PTPRG: variants seen among roughly 807,000 people sequenced by gnomAD.
The protein encoded by PTPRG is protein tyrosine phosphatase receptor type G.
In PTPRG, 102 loss-of-function variants were observed where a neutral mutation model predicts 165.3. The observed-to-expected ratio is 0.62, with a 90% CI of 0.53 to 0.73. The LOEUF (loss-of-function observed/expected upper bound fraction) is 0.73, where lower values mean the gene tolerates loss of function less well. Ranked by LOEUF, PTPRG falls within the 30% of genes least tolerant of loss-of-function variation. PTPRG has a pLI of 0.00. For synonymous variants in PTPRG, 675 were observed against 669.5 expected (o/e 1.01, Z -0.13); for missense variants, 1,866 against 1,861.4 (o/e 1.00, Z -0.05).
At chr3:62,021,173 T>C (rs1239235929) in intron 4 of PTPRG, among the ~76,000 whole-genome samples, 1 of 152,234 alleles carries the variant, frequency 6.6e-6, no homozygotes, top group East Asian at 1.9e-4. Context: ...TAGAAACGTA[T>C]AGTTTAGTGT....
At chr3:61,745,446 C>G (rs1488497882) in intron 1 of PTPRG, among the ~76,000 whole-genome samples, 2 of 152,134 alleles carry the variant, frequency 1.3e-5, no homozygotes, top group Non-Finnish European at 1.5e-5. Flanking sequence ...GCCCTATTTC[C>G]AGGGAGCTTA....
At chr3:61,851,491 A>G (rs1389411968) in intron 2 of PTPRG, among the ~76,000 whole-genome samples, 1 of 152,176 alleles carries the variant, frequency 6.6e-6, no homozygotes, top group Non-Finnish European at 1.5e-5. Flanking sequence ...AAACTGACCA[A>G]TATATCTCAT....
At chr3:62,075,065 G>T (rs1701339192) in intron 4 of PTPRG, among the ~76,000 whole-genome samples, 1 of 152,210 alleles carries the variant, frequency 6.6e-6, no homozygotes, top group Non-Finnish European at 1.5e-5. Flanking sequence ...TTTCAGACCT[G>T]TGCTACTGTC....
intron 4 of PTPRG, among the ~76,000 whole-genome samples, chr3:62,037,198 G>C (rs891620406): frequency 1.3e-5 from 2 of 152,176 alleles, no homozygotes; most frequent in East Asian, 1.9e-4. Context: ...TTCAGTGATA[G>C]GGTTAGGGTG....
chr3:61,810,476 TG>T lies in PTPRG; in HGVS notation c.190+61495del, dbSNP rs113029349. 9.4e-3 allele frequency among the ~76,000 whole-genome samples: 1,433 copies of T among 152,318 alleles called. 18 individuals are homozygous for T. The highest frequency in any genetic ancestry group is 0.033 in the African/African-American group (1,382 of 41,560). ...AGGAATGATTTCTTTTTAGGTGCCCTGTATAAGCAACGACAGTGCGAAGGGA... is the reference window on the plus strand; with the variant it reads ...AGGAATGATTTCTTTTTAGGTGCCCTTATAAGCAACGACAGTGCGAAGGGA... On this transcript the variant is annotated intron_variant, in intron 2 of 29. Transcript: ENST00000474889.
chr3:61,621,033 G>GTGTGTGTATATATATATA (rs767786792), intron 1 of PTPRG, among the ~76,000 whole-genome samples: 1 of 129,992 alleles, frequency 7.7e-6, no homozygotes, highest in African/African-American at 2.8e-5. Context: ...GTGTGTGTGT[G>GTGTGTGTATATATATATA]TATATATATA....
intron 5 of PTPRG, among the ~76,000 whole-genome samples, chr3:62,113,802 T>C (rs1702757276): frequency 6.6e-6 from 1 of 152,168 alleles, no homozygotes; most frequent in Non-Finnish European, 1.5e-5. Flanking sequence ...GTCTTGATAT[T>C]AGAAGATACA....
At chr3:61,920,673 C>T (rs771280633) in intron 2 of PTPRG, among the ~76,000 whole-genome samples, 5 of 152,164 alleles carry the variant, frequency 3.3e-5, no homozygotes, top group Admixed American at 1.3e-4. Context: ...GGATTACAGG[C>T]GTGAGCCACT....
chr3:61,679,797 G>A (rs3821881), intron 1 of PTPRG, among the ~76,000 whole-genome samples: 116,698 of 151,914 alleles, frequency 0.77, 45,194 homozygotes, highest in East Asian at 0.91. Context: ...CAAAAAAACA[G>A]AAAAGCAAAA....
chr3:62,071,342 T>A (rs866793566), intron 4 of PTPRG, among the ~76,000 whole-genome samples: 3 of 152,208 alleles, frequency 2.0e-5, no homozygotes, highest in African/African-American at 7.2e-5. Context: ...TACTCTCATG[T>A]TGGGATCATT....
rs545923832 is a variant in PTPRG, at chr3:62,210,176, G to A, written c.2155+6226G>A. Among the ~76,000 whole-genome samples, 5 of 152,272 alleles carry A rather than the reference G, an allele frequency of 3.3e-5. No homozygotes were observed. The highest frequency in any genetic ancestry group is 9.6e-5 in the African/African-American group (4 of 41,556). ...GAGCACTTATTCACAGGAACTCTTG[G>A]CAGTGATATAAATGGAAACGAATGA... On this transcript the variant is annotated intron_variant, in intron 12 of 29. Coordinates refer to ENST00000474889, the MANE Select transcript of PTPRG (RefSeq NM_002841.4). The surrounding 1 kb of genome is among the most constrained non-coding windows in gnomAD (Gnocchi z 4.1).
intron 2 of PTPRG, among the ~76,000 whole-genome samples, chr3:61,964,464 G>A (rs199607994): frequency 1.3e-5 from 2 of 152,122 alleles, no homozygotes; most frequent in Non-Finnish European, 2.9e-5. Context: ...ATGGGGTTAT[G>A]AGTTAATGAC....
chr3:61,922,523 A>G (rs1369354205), intron 2 of PTPRG, among the ~76,000 whole-genome samples: 1 of 152,212 alleles, frequency 6.6e-6, no homozygotes, highest in Non-Finnish European at 1.5e-5. Flanking sequence ...TTATTGCTGC[A>G]GGACCTAAGG....
In PTPRG at chr3:62,285,664, C is replaced by A. The variant is rs539933959; in HGVS notation, c.4055+2795C>A. The stretch of plus-strand genomic sequence containing the variant: ...TAAAGACAAACTGCTTCATTCTCAG[C>A]ATTCTATTGTCAACTGTTCAAGATT... On this transcript the variant is annotated intron_variant, in intron 28 of 29. Coordinates refer to ENST00000474889, the MANE Select transcript of PTPRG (RefSeq NM_002841.4). Among the ~76,000 whole-genome samples the A allele has an allele frequency of 7.2e-5, 11 of 152,230 alleles. No individual in the cohort carries two copies. The South Asian group carries it at 2.3e-3, about 32-fold the overall frequency.
At chr3:61,978,049 G>A (rs904912777) in intron 2 of PTPRG, among the ~76,000 whole-genome samples, 10 of 152,090 alleles carry the variant, frequency 6.6e-5, no homozygotes, top group Non-Finnish European at 1.2e-4. Context: ...ACGGGGTTTC[G>A]CCTTGCTGGC....
chr3:61,616,660 C>T (rs1196993156), intron 1 of PTPRG, among the ~76,000 whole-genome samples: 1 of 152,220 alleles, frequency 6.6e-6, no homozygotes, highest in Non-Finnish European at 1.5e-5. Context: ...TACTCTTCTG[C>T]AGAATAAGGC....
chr3:61,850,881 A>T (rs1025261904), intron 2 of PTPRG, among the ~76,000 whole-genome samples: 4 of 152,214 alleles, frequency 2.6e-5, no homozygotes, highest in African/African-American at 9.6e-5. Flanking sequence ...AACAGGATAT[A>T]TTTAAAGGTA....
At chr3:61,978,786 A>G (rs1246587977) in intron 2 of PTPRG, among the ~76,000 whole-genome samples, 1 of 152,212 alleles carries the variant, frequency 6.6e-6, no homozygotes, top group Admixed American at 6.5e-5. Context: ...TAGACAATAT[A>G]TGAATGAACG....
intron 1 of PTPRG, among the ~76,000 whole-genome samples, chr3:61,693,276 T>A (rs1330303310): frequency 6.6e-6 from 1 of 152,192 alleles, no homozygotes; most frequent in East Asian, 1.9e-4. Flanking sequence ...TATGTTCCCA[T>A]TAGGTTTTGT....
Sources: allele counts gnomAD v4.1 joint callset (sites outside exome capture counted in the v4.1 genomes callset), GRCh38; gene constraint gnomAD v4.1.1; non-coding constraint Gnocchi (gnomAD v3.1); transcripts MANE v1.5; gene names NCBI Gene and HGNC (gene_info 2026-07-23, HGNC 2026-07-21).